Variants in SLC13A3 observed in about 807,000 individuals in gnomAD.
SLC13A3 encodes the protein Na(+)/dicarboxylate cotransporter 3.
A neutral mutation model predicts 59.0 loss-of-function variants in SLC13A3; 40 were observed. The ratio of observed to expected loss-of-function variants is 0.68; its 90% CI spans 0.53 to 0.88. SLC13A3 has a LOEUF of 0.88. Among genes scored for constraint, SLC13A3 ranks in the 40% least tolerant of loss-of-function variants. SLC13A3 has a pLI of 0.00. For synonymous variants in SLC13A3, 317 were observed against 330.3 expected, an observed-to-expected ratio of 0.96 and a Z score of 0.44; for missense variants, 699 against 783.2, an observed-to-expected ratio of 0.89 and a Z score of 1.28.
intron 1 of SLC13A3, among the ~76,000 whole-genome samples, chr20:46,679,981 T>A (rs1188255659): frequency 6.6e-6 from 1 of 152,088 alleles, no homozygotes; most frequent in African/African-American, 2.4e-5. Flanking sequence ...TACAGGCTGA[T>A]GACTCTGGGA....
intron 3 of SLC13A3, among the ~76,000 whole-genome samples, chr20:46,605,275 T>A (rs2062426757): frequency 6.6e-6 from 1 of 152,136 alleles, no homozygotes; most frequent in Non-Finnish European, 1.5e-5. Context: ...GATAAAGTCA[T>A]GAAGATGAAA....
intron 8 of SLC13A3, among the ~76,000 whole-genome samples, chr20:46,584,739 C>T (rs1217325594): frequency 2.0e-5 from 3 of 152,192 alleles, no homozygotes; most frequent in African/African-American, 4.8e-5. Context: ...TCCAATTTTA[C>T]ATGTAAATAC....
At chr20:46,632,495 G>A (rs573607446) in intron 1 of SLC13A3, among the ~76,000 whole-genome samples, 13 of 151,784 alleles carry the variant, frequency 8.6e-5, no homozygotes, top group African/African-American at 1.9e-4. Flanking sequence ...AGGATCAGGG[G>A]AAAGAGCCAT....
intron 1 of SLC13A3, among the ~76,000 whole-genome samples, chr20:46,630,800 T>C (rs1404786510): frequency 6.6e-6 from 1 of 152,224 alleles, no homozygotes; most frequent in Non-Finnish European, 1.5e-5. Flanking sequence ...GGATTTGGAA[T>C]TAAAGGAGCC....
intron 1 of SLC13A3, among the ~76,000 whole-genome samples, chr20:46,683,317 G>A (rs2063162611): frequency 6.6e-6 from 1 of 152,322 alleles, no homozygotes; most frequent in Admixed American, 6.5e-5. Context: ...TTGCACGGGG[G>A]AATGCTGGTA....
chr20:46,671,820 C>T (rs969752133), upstream of SLC13A3, among the ~76,000 whole-genome samples: 1 of 152,162 alleles, frequency 6.6e-6, no homozygotes, highest in African/African-American at 2.4e-5. Context: ...CTGAGGGCCT[C>T]CCTGAGAAGA....
chr20:46,676,298 C>T (rs1482660170), intron 1 of SLC13A3, among the ~76,000 whole-genome samples: 2 of 152,052 alleles, frequency 1.3e-5, no homozygotes, highest in South Asian at 2.1e-4. Context: ...ACCCAATCCA[C>T]CCACATAACC....
At chr20:46,656,590 C>G (rs894231375) in intron 1 of SLC13A3, among the ~76,000 whole-genome samples, 2 of 145,180 alleles carry the variant, frequency 1.4e-5, no homozygotes, top group Admixed American at 1.4e-4. Flanking sequence ...ATATATTATA[C>G]TGTATATGAT....
chr20:46,595,333 C>A (rs2122690930), intron 5 of SLC13A3, among the ~76,000 whole-genome samples: 1 of 152,082 alleles, frequency 6.6e-6, no homozygotes. Flanking sequence ...CTTTTCTTTT[C>A]TTTTTTTTAG....
intron 1 of SLC13A3, among the ~76,000 whole-genome samples, chr20:46,649,466 C>A (rs2062931663): frequency 1.3e-5 from 2 of 152,160 alleles, no homozygotes; most frequent in Non-Finnish European, 2.9e-5. Context: ...GAGAACAGAG[C>A]AGAGAGAAGC....
At chr20:46,584,312 A>T in intron 8 of SLC13A3, 1 of 985,462 alleles carries the variant, frequency 1.0e-6, no homozygotes. Flanking sequence ...AAACTGACAT[A>T]CAAATACAAC....
At chr20:46,596,133 G>C in intron 5 of SLC13A3, 24 bp downstream of exon 5, 1 of 1,605,148 alleles carries the variant, frequency 6.2e-7, no homozygotes, top group South Asian at 1.1e-5. Flanking sequence ...AACCCTCCCC[G>C]CCGGTGGGGA....
intron 1 of SLC13A3, among the ~76,000 whole-genome samples, chr20:46,614,798 A>G (rs2122756820): frequency 6.6e-6 from 1 of 152,338 alleles, no homozygotes; most frequent in African/African-American, 2.4e-5. Context: ...CCAGACCTTC[A>G]TACAAGTGCC....
intron 12 of SLC13A3, among the ~76,000 whole-genome samples, chr20:46,561,254 G>A (rs758657896): frequency 1.3e-5 from 2 of 152,198 alleles, no homozygotes; most frequent in African/African-American, 2.4e-5. Flanking sequence ...TACATATGTT[G>A]ATTGATGTCT....
rs145478966 is a variant in SLC13A3, at chr20:46,603,580, G to T, written c.542-3543C>A. ...TTTTTTTTTTTTGGTAAAAAAGAAGGTCTTGCTATGTTGCCCAGGCTGGTC... is the reference window on the plus strand; with the variant it reads ...TTTTTTTTTTTTGGTAAAAAAGAAGTTCTTGCTATGTTGCCCAGGCTGGTC... On this transcript the variant is annotated intron_variant, in intron 3 of 12. Coordinates refer to ENST00000279027, the MANE Select transcript of SLC13A3 (RefSeq NM_022829.6). Among the ~76,000 whole-genome samples, 191 of 150,072 alleles carry T rather than the reference G, an allele frequency of 1.3e-3. 2 individuals are homozygous for T. The East Asian group carries it at 0.034, about 27-fold the overall frequency.
intron 5 of SLC13A3, 21 bp from the exon 6 acceptor site, chr20:46,592,550 A>G: frequency 6.2e-7 from 1 of 1,612,714 alleles, no homozygotes; most frequent in East Asian, 2.2e-5. Context: ...GCGGGAGATG[A>G]GAACAGGCCA....
At chr20:46,596,508 T>A (rs61439552) in intron 4 of SLC13A3, among the ~76,000 whole-genome samples, 166 bp from the exon 5 acceptor site, 3 of 152,268 alleles carry the variant, frequency 2.0e-5, no homozygotes, top group South Asian at 4.1e-4. Flanking sequence ...ACTCTAAGAA[T>A]GTATCCTAAA....
At chr20:46,570,785 G>T (rs1453655277) in intron 10 of SLC13A3, among the ~76,000 whole-genome samples, 4 of 152,140 alleles carry the variant, frequency 2.6e-5, no homozygotes. Flanking sequence ...GCATAAAAAA[G>T]CTCAGTGATT....
Position 46,592,399 on chromosome 20 carries a change from G to A in SLC13A3, c.920+5C>T, listed in dbSNP as rs1176678422. On this transcript the variant is annotated splice_donor_5th_base_variant and intron_variant, in intron 6 of 12. Coordinates refer to ENST00000279027, the MANE Select transcript of SLC13A3 (RefSeq NM_022829.6). Reference sequence around the variant, plus strand: ...CTCTATTGCCAAAAAGAAAATGAGAGGTACCTGAAGCTCAGTCCCCCGTAC... The same window carrying A: ...CTCTATTGCCAAAAAGAAAATGAGAAGTACCTGAAGCTCAGTCCCCCGTAC... 1.9e-6 allele frequency: 3 copies of A among 1,613,576 alleles called. No individual in the cohort carries two copies. The African/African-American group carries it at 4.0e-5, about 22-fold the overall frequency.
Sources: allele counts gnomAD v4.1 joint callset (sites outside exome capture counted in the v4.1 genomes callset), GRCh38; gene constraint gnomAD v4.1.1; transcripts MANE v1.5; gene names NCBI Gene and HGNC (gene_info 2026-07-23, HGNC 2026-07-21).